Variants in AMD1 observed in about 807,000 individuals in gnomAD.
The protein encoded by AMD1 is adenosylmethionine decarboxylase 1, also known as S-adenosylmethionine decarboxylase proenzyme.
AMD1 carries 11 observed loss-of-function variants against 40.2 expected under a neutral mutation model. That is an observed-to-expected ratio of 0.27 (90% CI 0.17 to 0.45). AMD1 has a LOEUF of 0.45. AMD1 is among the 20% of genes least tolerant of loss of function. AMD1 has a pLI of 1.00. For missense variants in AMD1, 257 were observed against 410.2 expected (o/e 0.63, Z 3.23); for synonymous variants, 121 against 130.8 (o/e 0.93, Z 0.51).
At chr6:110,831,767 C>T in the AMD1 span, among the ~76,000 whole-genome samples, 2 of 152,302 alleles carry the variant, frequency 1.3e-5, no homozygotes, top group Middle Eastern at 6.8e-3. Flanking sequence ...AATGGCTTTG[C>T]TTTGACAACA....
chr6:110,863,371 CTTTT>C, the AMD1 span, among the ~76,000 whole-genome samples: 1 of 127,776 alleles, frequency 7.8e-6, no homozygotes, highest in Admixed American at 8.1e-5. Flanking sequence ...ATTCTGCTTG[CTTTT>C]TTTTTTTTTT....
the AMD1 span, among the ~76,000 whole-genome samples, chr6:110,844,343 A>T: frequency 5.2e-4 from 79 of 151,344 alleles, no homozygotes; most frequent in African/African-American, 1.9e-3. Flanking sequence ...TTTTTAGTAG[A>T]GACGGGGTTT....
intron 1 of AMD1, among the ~76,000 whole-genome samples, chr6:110,876,843 C>T (rs1479700998): frequency 2.0e-5 from 3 of 152,142 alleles, no homozygotes; most frequent in Non-Finnish European, 4.4e-5. Context: ...TGGGTAAGAA[C>T]AGTCCTAGAA....
At chr6:110,861,163 C>T in the AMD1 span, among the ~76,000 whole-genome samples, 2 of 152,020 alleles carry the variant, frequency 1.3e-5, no homozygotes, top group African/African-American at 4.8e-5. Flanking sequence ...TCGAGACCAT[C>T]CTGGCTAACA....
In AMD1 at chr6:110,893,608, C is replaced by T; in HGVS notation, c.997C>T (p.Gln333Ter). The change falls in exon 9 of 9, where the codon CAG becomes TAG. Residue 333 changes from glutamine to a stop codon, truncating the protein, a stop_gained. Transcript: ENST00000368885. LOFTEE classifies it high-confidence loss of function. ...TTTTGCTAAGAAGCAGCAACAACAG[C>T]AGAGTTGATTAAGAAAAATGAAGAA... ...TSFAKKQQQQ[Q>*]S 6.2e-7 allele frequency: 1 copy of T among 1,613,010 alleles called. No homozygotes were observed.
At chr6:110,845,574 G>A in the AMD1 span, among the ~76,000 whole-genome samples, 2 of 152,148 alleles carry the variant, frequency 1.3e-5, no homozygotes, top group Admixed American at 6.6e-5. Context: ...GTCTCAAAAG[G>A]GACTCATACT....
the AMD1 span, among the ~76,000 whole-genome samples, chr6:110,828,938 A>C: frequency 6.6e-6 from 1 of 151,892 alleles, no homozygotes; most frequent in East Asian, 1.9e-4. Context: ...TTGGGAGGCC[A>C]AGGCGTGCAG....
the AMD1 span, chr6:110,815,180 C>T: frequency 6.5e-7 from 1 of 1,546,380 alleles, no homozygotes; most frequent in Non-Finnish European, 8.7e-7. Context: ...GGGCCGCCGC[C>T]GCTCAGTCCC....
the AMD1 span, among the ~76,000 whole-genome samples, chr6:110,834,299 A>C: frequency 7.2e-5 from 11 of 152,114 alleles, no homozygotes; most frequent in Non-Finnish European, 1.0e-4. Context: ...TGATCACGCC[A>C]CTGCACTCCA....
At chr6:110,835,775 G>A in the AMD1 span, among the ~76,000 whole-genome samples, 2 of 151,970 alleles carry the variant, frequency 1.3e-5, no homozygotes, top group Non-Finnish European at 2.9e-5. Context: ...TGAGGCAGGA[G>A]AATCGCTTGA....
chr6:110,868,272 C>A, the AMD1 span, among the ~76,000 whole-genome samples: 2 of 152,016 alleles, frequency 1.3e-5, no homozygotes, highest in African/African-American at 4.8e-5. Flanking sequence ...CTCAGCCTCC[C>A]AAGTAGCGGG....
chr6:110,890,629 A>T (rs1785960308), intron 4 of AMD1, among the ~76,000 whole-genome samples: 1 of 152,022 alleles, frequency 6.6e-6, no homozygotes, highest in Non-Finnish European at 1.5e-5. Flanking sequence ...GGGGCTACAG[A>T]TGTTTGCCAC....
chr6:110,887,475 A>G, intron 1 of AMD1, 30 bp from the exon 2 acceptor site: 1 of 1,543,412 alleles, frequency 6.5e-7, no homozygotes, highest in Non-Finnish European at 8.8e-7. Context: ...ACTATTGTGG[A>G]TTAATCGTAA....
At chr6:110,884,564 G>A (rs555121144) in intron 1 of AMD1, among the ~76,000 whole-genome samples, 2 of 152,210 alleles carry the variant, frequency 1.3e-5, no homozygotes, top group Admixed American at 1.3e-4. Context: ...CTACCGAGTA[G>A]CTGGGACTAC....
At chr6:110,889,804 C>T (rs1222249687) in intron 3 of AMD1, 1 of 153,922 alleles carries the variant, frequency 6.5e-6, no homozygotes, top group African/African-American at 2.4e-5. Flanking sequence ...GTACTCAATA[C>T]AGTTTTTGTT....
At chr6:110,883,921 G>A (rs1785546204) in intron 1 of AMD1, among the ~76,000 whole-genome samples, 2 of 152,142 alleles carry the variant, frequency 1.3e-5, no homozygotes, top group South Asian at 2.1e-4. Flanking sequence ...AGTGGATGAA[G>A]AAGAGTCCTT....
chr6:110,878,902 A>T (rs1785250425), intron 1 of AMD1, among the ~76,000 whole-genome samples: 2 of 152,210 alleles, frequency 1.3e-5, no homozygotes, highest in South Asian at 2.1e-4. Context: ...CCCCAAACTC[A>T]TGACTTATTT....
chr6:110,823,214 A>G, the AMD1 span, among the ~76,000 whole-genome samples: 15 of 152,232 alleles, frequency 9.9e-5, no homozygotes, highest in Non-Finnish European at 1.3e-4. Context: ...TAGGCATAGA[A>G]GGAACATACC....
At chr6:110,868,142 T>TA in the AMD1 span, among the ~76,000 whole-genome samples, 6 of 150,956 alleles carry the variant, frequency 4.0e-5, no homozygotes, top group African/African-American at 1.2e-4. Flanking sequence ...TCTTATTTAT[T>TA]TTATTATTAT....
Sources: allele counts gnomAD v4.1 joint callset (sites outside exome capture counted in the v4.1 genomes callset), GRCh38; gene constraint gnomAD v4.1.1; transcripts MANE v1.5; gene names NCBI Gene and HGNC (gene_info 2026-07-23, HGNC 2026-07-21).